TBX4: variants seen among roughly 807,000 people sequenced by gnomAD.
TBX4 encodes the protein T-box transcription factor 4.
In TBX4, 13 loss-of-function variants were observed where a neutral mutation model predicts 54.6. That is an observed-to-expected ratio of 0.24 (90% CI 0.15 to 0.38). TBX4 has a LOEUF of 0.38. Among genes scored for constraint, TBX4 ranks in the 10% least tolerant of loss-of-function variants. The probability of loss-of-function intolerance (pLI) is 1.00; values close to 1 mark genes in which losing one functional copy is unlikely to be tolerated. For synonymous variants in TBX4, 314 were observed against 306.7 expected, an observed-to-expected ratio of 1.02 and a Z score of -0.25; for missense variants, 631 against 728.5, an observed-to-expected ratio of 0.87 and a Z score of 1.54.
chr17:61,482,748 G>A (rs2060672968), intron 8 of TBX4, 149 bp from the exon 9 acceptor site: 1 of 1,229,438 alleles, frequency 8.1e-7, no homozygotes, highest in Non-Finnish European at 1.1e-6. Flanking sequence ...TAAAAGCCGT[G>A]GCTGATTGAA....
Position 61,483,479 on chromosome 17 carries a change from C to T in TBX4, c.1604C>T (p.Ser535Leu). 1 of 1,614,156 alleles carries T rather than the reference C, an allele frequency of 6.2e-7. No individual in the cohort carries two copies. Among genetic ancestry groups the T allele is most frequent in the Non-Finnish European group, 8.5e-7 (1 of 1,180,032 alleles). The change falls in exon 9 of 9, where the codon TCA becomes TTA. Residue 535 changes from serine to leucine, a missense_variant. Ser to Leu is a moderately radical substitution (Grantham distance 145, BLOSUM62 -2). Coordinates refer to ENST00000644296, the MANE Select transcript of TBX4 (RefSeq NM_001321120.2). This position sits in a 1 kb window ranked among gnomAD's most constrained non-coding sequence, Gnocchi z 6.6. The stretch of plus-strand genomic sequence containing the variant: ...CGAGAATCTTCCTTACAGTACCATT[C>T]AGGAATGGGGACTGTGGAGAACTGG... The part of the protein sequence containing the change: ...LSRESSLQYH[S>L]GMGTVENWTD...
In TBX4 at chr17:61,462,637, C is replaced by CTTTTTTAATGAT; in HGVS notation, c.282-3182_282-3181insTTTTTTAATGAT. ...CAGAGTGCCCGGGACAGGCGGGCTT[C>CTTTTTTAATGAT]ACCGCCAGCGCTGGTGGCAGGGCCT... On this transcript the variant is annotated intron_variant, in intron 3 of 8. Transcript: ENST00000644296. This position sits in a 1 kb window ranked among gnomAD's most constrained non-coding sequence, Gnocchi z 4.5. Among the ~76,000 whole-genome samples the CTTTTTTAATGAT allele has an allele frequency of 6.6e-6, 1 of 152,188 alleles. No homozygotes were observed. The highest frequency in any genetic ancestry group is 1.9e-4 in the East Asian group (1 of 5,176).
At chr17:61,467,007 A>G (rs1207783818) in intron 4 of TBX4, among the ~76,000 whole-genome samples, 3 of 152,084 alleles carry the variant, frequency 2.0e-5, no homozygotes, top group African/African-American at 7.2e-5. Flanking sequence ...AAAATGTAAA[A>G]AGTTAACTGG....
intron 5 of TBX4, among the ~76,000 whole-genome samples, chr17:61,473,223 C>T (rs1860353404): frequency 6.6e-6 from 1 of 152,162 alleles, no homozygotes; most frequent in African/African-American, 2.4e-5. Context: ...AGGTGTGTCA[C>T]CTGATTTGTT....
chr17:61,469,008 A>T (rs992240091), intron 5 of TBX4, among the ~76,000 whole-genome samples: 7 of 152,150 alleles, frequency 4.6e-5, no homozygotes, highest in African/African-American at 1.7e-4. Context: ...CCACGACGGC[A>T]CACACACACA....
chr17:61,454,837 G>A (rs1378513092), intron 1 of TBX4, among the ~76,000 whole-genome samples: 1 of 152,214 alleles, frequency 6.6e-6, no homozygotes, highest in Admixed American at 6.5e-5. Context: ...CGGGCCAAGC[G>A]CGAGACGGCC....
Position 61,479,266 on chromosome 17 carries a change from C to T in TBX4, c.702+487C>T, listed in dbSNP as rs976859246. 6.6e-6 allele frequency among the ~76,000 whole-genome samples: 1 copy of T among 152,126 alleles called. No homozygotes were observed. Among genetic ancestry groups the T allele is most frequent in the African/African-American group, 2.4e-5 (1 of 41,412 alleles). ...CAGCCACCTCCCACACTCACTACTG[C>T]CCTCCCCAGCCCGGCCACCCCCACT... On this transcript the variant is annotated intron_variant, in intron 6 of 8. Coordinates refer to ENST00000644296, the MANE Select transcript of TBX4 (RefSeq NM_001321120.2). This position sits in a 1 kb window ranked among gnomAD's most constrained non-coding sequence, Gnocchi z 6.1.
intron 2 of TBX4, 77 bp downstream of exon 2, chr17:61,456,753 C>T: frequency 8.5e-7 from 1 of 1,172,132 alleles, no homozygotes; most frequent in Non-Finnish European, 1.1e-6. Context: ...TCTTTCCGTC[C>T]GATTGTCGGC....
In TBX4 at chr17:61,480,201, G is replaced by A. The variant is rs751264961; in HGVS notation, c.903G>A (p.Gln301=). The change falls in exon 8 of 9, where the codon CAG becomes CAA. Residue 301 remains glutamine, a synonymous_variant. Transcript: ENST00000644296. The surrounding 1 kb of genome is among the most constrained non-coding windows in gnomAD (Gnocchi z 6.2). ...GPLLGTHQAL[Q]HYQHENGAHS... The stretch of plus-strand genomic sequence containing the variant: ...TGCTCGGCACCCACCAGGCACTCCA[G>A]CACTACCAGCACGAGAACGGGGCAC... The A allele has an allele frequency of 6.2e-7, 1 of 1,614,062 alleles. No homozygotes were observed. The highest frequency in any genetic ancestry group is 2.2e-5 in the East Asian group (1 of 44,868).
rs1160539185 is a variant in TBX4 at position 61,459,572 on chromosome 17, T to C, written c.281+1941T>C. On this transcript the variant is annotated intron_variant, in intron 3 of 8. Coordinates refer to ENST00000644296, the MANE Select transcript of TBX4 (RefSeq NM_001321120.2). The surrounding 1 kb of genome is among the most constrained non-coding windows in gnomAD (Gnocchi z 4.8). ...ATTTTTGTTTGTTTGTTTTCCTCAGTAGTGTTTCCTGCATCTGCATGGGTC... is the reference window on the plus strand; with the variant it reads ...ATTTTTGTTTGTTTGTTTTCCTCAGCAGTGTTTCCTGCATCTGCATGGGTC... Among the ~76,000 whole-genome samples the C allele has an allele frequency of 1.3e-5, 2 of 152,202 alleles. No individual in the cohort carries two copies. The highest frequency in any genetic ancestry group is 2.9e-5 in the Non-Finnish European group (2 of 68,038).
At position 61,475,720 on chromosome 17, in the gene TBX4, T is replaced by C. The variant is rs1180424341; in HGVS notation, c.550-2907T>C. The stretch of plus-strand genomic sequence containing the variant: ...GGTGTCACAGGAGCAGGGTGGCTGC[T>C]GCCATGTGTCCTAGTGTCCTGCACA... On this transcript the variant is annotated intron_variant, in intron 5 of 8. Transcript: ENST00000644296. This position sits in a 1 kb window ranked among gnomAD's most constrained non-coding sequence, Gnocchi z 5.0. Among the ~76,000 whole-genome samples, 1 of 152,142 alleles carries C rather than the reference T, an allele frequency of 6.6e-6. No individual in the cohort carries two copies. Among genetic ancestry groups the C allele is most frequent in the African/African-American group, 2.4e-5 (1 of 41,426 alleles).
At chr17:61,477,138 G>C (rs1009054529) in intron 5 of TBX4, among the ~76,000 whole-genome samples, 3 of 152,238 alleles carry the variant, frequency 2.0e-5, no homozygotes, top group Non-Finnish European at 4.4e-5. Flanking sequence ...GCTCAGAGGG[G>C]AAGGGGACCC....
At position 61,483,293 on chromosome 17, in the gene TBX4, G is replaced by A; in HGVS notation, c.1418G>A (p.Ser473Asn). ...CAGCCACCAGGAAATGCCCACTTTA[G>A]TGTCTACAATCAGCTCTCCCAGTCT... ...SSQPPGNAHF[S>N]VYNQLSQSQV... The change falls in exon 9 of 9, where the codon AGT becomes AAT. Residue 473 changes from serine (S) to asparagine (N), a missense_variant. By Grantham distance (46) the Ser-to-Asn change is conservative (BLOSUM62 1). Around this residue, in one of 3 missense-constraint regions of TBX4, gnomAD observed 354 missense variants for 368.9 expected, o/e 0.96. Transcript: ENST00000644296. The surrounding 1 kb of genome is among the most constrained non-coding windows in gnomAD (Gnocchi z 6.6). 1 of 1,613,946 alleles carries A rather than the reference G, an allele frequency of 6.2e-7. No homozygotes were observed. The highest frequency in any genetic ancestry group is 8.5e-7 in the Non-Finnish European group (1 of 1,179,838).
chr17:61,469,342 G>A (rs55979928), intron 5 of TBX4, among the ~76,000 whole-genome samples: 2,370 of 152,310 alleles, frequency 0.016, 24 homozygotes, highest in Non-Finnish European at 0.024. Context: ...GTGATAAACT[G>A]CATAGAAGTC....
Position 61,480,205 on chromosome 17 carries a change from T to C in TBX4, c.907T>C (p.Tyr303His). 1 of 1,613,602 alleles carries C rather than the reference T, an allele frequency of 6.2e-7. No individual in the cohort carries two copies. Among genetic ancestry groups the C allele is most frequent in the South Asian group, 1.1e-5 (1 of 91,062 alleles). ...LLGTHQALQH[Y>H]QHENGAHSQL... ...CGGCACCCACCAGGCACTCCAGCAC[T>C]ACCAGCACGAGAACGGGGCACACTC... The change falls in exon 8 of 9, where the codon TAC (tyrosine) becomes CAC (histidine). Residue 303 changes from tyrosine to histidine, a missense_variant. This residue lies in a region of TBX4 where 354 missense variants were observed against 368.9 expected (regional missense o/e 0.96). Coordinates refer to ENST00000644296, the MANE Select transcript of TBX4 (RefSeq NM_001321120.2). This position sits in a 1 kb window ranked among gnomAD's most constrained non-coding sequence, Gnocchi z 6.2.
Position 61,464,461 on chromosome 17 carries a change from G to A in TBX4, c.282-1358G>A, listed in dbSNP as rs1345462116. 1 of 152,350 alleles carries A rather than the reference G, an allele frequency of 6.6e-6. No individual in the cohort carries two copies. The highest frequency in any genetic ancestry group is 1.5e-5 in the Non-Finnish European group (1 of 68,140). 9.4% of individuals were successfully genotyped at this position (152,350 alleles called of 1,614,324 possible). On this transcript the variant is annotated intron_variant, in intron 3 of 8. Coordinates refer to ENST00000644296, the MANE Select transcript of TBX4 (RefSeq NM_001321120.2). This position sits in a 1 kb window ranked among gnomAD's most constrained non-coding sequence, Gnocchi z 5.8. ...AATAGGGGCCTCTGATCAGCTGTTT[G>A]TGGCATCTTGGACAGCTTCTCCAGG...
rs1025393311 is a variant in TBX4 at position 61,479,226 on chromosome 17, T to C, written c.702+447T>C. On this transcript the variant is annotated intron_variant, in intron 6 of 8. Coordinates refer to ENST00000644296, the MANE Select transcript of TBX4 (RefSeq NM_001321120.2). This position sits in a 1 kb window ranked among gnomAD's most constrained non-coding sequence, Gnocchi z 6.1. ...CTGAGCGGAGGCCCTTCCCAGGCTGTGATAGGAGGTGCCCCAGCCACCTCC... is the reference window on the plus strand; with the variant it reads ...CTGAGCGGAGGCCCTTCCCAGGCTGCGATAGGAGGTGCCCCAGCCACCTCC... Among the ~76,000 whole-genome samples the C allele has an allele frequency of 6.6e-6, 1 of 152,008 alleles. No individual in the cohort carries two copies. Among genetic ancestry groups the C allele is most frequent in the African/African-American group, 2.4e-5 (1 of 41,378 alleles).
intron 3 of TBX4, chr17:61,463,115 CG>C (rs1174961905): frequency 6.6e-6 from 1 of 152,224 alleles, no homozygotes; most frequent in African/African-American, 2.4e-5. Flanking sequence ...GGCAGGGAAA[CG>C]GTAGTGCTTA....
In TBX4 at chr17:61,464,368, C is replaced by A. The variant is rs567568218; in HGVS notation, c.282-1451C>A. 1 of 152,262 alleles carries A rather than the reference C, an allele frequency of 6.6e-6. No individual in the cohort carries two copies. Among genetic ancestry groups the A allele is most frequent in the African/African-American group, 2.4e-5 (1 of 41,468 alleles). The allele number at this position is 152,262 out of a possible 1,614,324, so 9.4% of individuals were successfully genotyped here. On this transcript the variant is annotated intron_variant, in intron 3 of 8. Coordinates refer to ENST00000644296, the MANE Select transcript of TBX4 (RefSeq NM_001321120.2). This position sits in a 1 kb window ranked among gnomAD's most constrained non-coding sequence, Gnocchi z 5.8. ...CTCGCCTGGGCTTAGGGCCCGCCAG[C>A]TTATAGAGGCCTTGATCCTTTCTGG...
Sources: gnomAD v4.1 joint callset for allele counts (sites outside exome capture counted in the v4.1 genomes callset) on GRCh38, gnomAD v4.1.1 for gene constraint, gnomAD v4.1.1 regional missense constraint, Gnocchi (gnomAD v3.1) non-coding constraint, MANE v1.5 for transcripts, NCBI Gene and HGNC (gene_info 2026-07-23, HGNC 2026-07-21) for gene names.